Variants in NDST1 observed in about 807,000 individuals in gnomAD.
NDST1 encodes the protein bifunctional heparan sulfate N-deacetylase/N-sulfotransferase 1.
A neutral mutation model predicts 92.8 loss-of-function variants in NDST1; 35 were observed. The observed-to-expected ratio is 0.38, with a 90% CI of 0.29 to 0.50. The LOEUF (loss-of-function observed/expected upper bound fraction) is 0.50. Ranked by LOEUF, NDST1 falls within the 20% of genes least tolerant of loss-of-function variation. The pLI is 0.94. For synonymous variants in NDST1, 493 were observed against 500.3 expected, an observed-to-expected ratio of 0.99 and a Z score of 0.19; for missense variants, 822 against 1,182.7, an observed-to-expected ratio of 0.69 and a Z score of 4.47.
intron 14 of NDST1, among the ~76,000 whole-genome samples, chr5:150,552,325 A>G (rs1473305215): frequency 6.6e-6 from 1 of 152,132 alleles, no homozygotes; most frequent in Non-Finnish European, 1.5e-5. Context: ...GATGAGATCC[A>G]TTTTGTAGGA....
Position 150,542,909 on chromosome 5 carries a change from C to T in NDST1, c.1908C>T (p.Ser636=). The T allele has an allele frequency of 6.2e-7, 1 of 1,614,214 alleles. No homozygotes were observed. The highest frequency in any genetic ancestry group is 8.5e-7 in the Non-Finnish European group (1 of 1,180,022). The part of the protein sequence containing the change: ...MHPDLSSNYP[S]SETFEEIQFF... ...CTGACCTAAGCAGCAACTACCCCAG[C>T]TCTGAGACCTTTGAGGAGATCCAGT... The change falls in exon 10 of 15, where the codon AGC becomes AGT. Residue 636 remains serine (S), a synonymous_variant. Coordinates refer to ENST00000261797, the MANE Select transcript of NDST1 (RefSeq NM_001543.5).
At chr5:150,534,359 C>G (rs1447103278) in intron 4 of NDST1, among the ~76,000 whole-genome samples, 1 of 152,162 alleles carries the variant, frequency 6.6e-6, no homozygotes, top group Non-Finnish European at 1.5e-5. Context: ...CCACCTTGGC[C>G]TTCCAAAGTG....
At chr5:150,516,721 G>A (rs538723675) in intron 1 of NDST1, among the ~76,000 whole-genome samples, 18 of 152,012 alleles carry the variant, frequency 1.2e-4, no homozygotes, top group Middle Eastern at 6.8e-3. Flanking sequence ...GCTGGAGTAC[G>A]GTGATGTGAT....
chr5:150,533,371 G>A (rs968153814), intron 4 of NDST1, among the ~76,000 whole-genome samples: 2 of 152,204 alleles, frequency 1.3e-5, no homozygotes, highest in African/African-American at 4.8e-5. Context: ...GAAGCTGGTT[G>A]AGTTTTAAGA....
chr5:150,535,042 G>A (rs375448411), intron 5 of NDST1, 21 bp downstream of exon 5: 3 of 1,606,382 alleles, frequency 1.9e-6, no homozygotes, highest in Non-Finnish European at 2.6e-6. Context: ...TTCCTTGCAG[G>A]GCAGAGCGGG....
At position 150,553,695 on chromosome 5, in the gene NDST1, C is replaced by A; in HGVS notation, c.*363C>A. 3 of 414,556 alleles carry A rather than the reference C, an allele frequency of 7.2e-6. No individual in the cohort carries two copies. Among genetic ancestry groups the A allele is most frequent in the South Asian group, 6.4e-5 (3 of 47,146 alleles). 25.7% of individuals were successfully genotyped at this position (414,556 alleles called of 1,614,324 possible). On this transcript the variant is annotated 3_prime_UTR_variant, in exon 15 of 15. Transcript: ENST00000261797. The surrounding 1 kb of genome is among the most constrained non-coding windows in gnomAD (Gnocchi z 4.2). ...ATCACTCCCTGCTTCCGCAGGGCGC[C>A]CCTCAGTATTCGCTGCCATATGTCC...
intron 10 of NDST1, among the ~76,000 whole-genome samples, chr5:150,543,832 T>C (rs1259599118): frequency 2.0e-5 from 3 of 152,066 alleles, no homozygotes; most frequent in Non-Finnish European, 2.9e-5. Flanking sequence ...CAGGCTGCAG[T>C]GCAGTGGCGC....
chr5:150,526,876 G>T (rs1187682391), intron 2 of NDST1, among the ~76,000 whole-genome samples: 2 of 152,228 alleles, frequency 1.3e-5, no homozygotes, highest in African/African-American at 4.8e-5. Flanking sequence ...GGGGACTGGG[G>T]CACACTGTCT....
chr5:150,525,840 C>T (rs1235634016), intron 2 of NDST1, among the ~76,000 whole-genome samples: 2 of 152,210 alleles, frequency 1.3e-5, no homozygotes, highest in Non-Finnish European at 2.9e-5. Flanking sequence ...ATCTCCCCCT[C>T]CAAACTCATT....
rs1293201494 is a variant in NDST1 at position 150,540,011 on chromosome 5, G to A, written c.1567-71G>A. On this transcript the variant is annotated intron_variant, in intron 7 of 14. Transcript: ENST00000261797. ...TGCAAGCTAAGGCAGGGTCAGAAGGGTCAGAGTTGGCGGTGAGGGTGGCTC... is the reference window on the plus strand; with the variant it reads ...TGCAAGCTAAGGCAGGGTCAGAAGGATCAGAGTTGGCGGTGAGGGTGGCTC... The A allele has an allele frequency of 5.1e-6, 8 of 1,580,336 alleles. No homozygotes were observed. The African/African-American group carries it at 1.1e-4, about 21-fold the overall frequency.
chr5:150,515,019 C>T lies in NDST1; in HGVS notation c.-387-5849C>T, dbSNP rs1753894801. ...GAGGGCCTGTGCAGAGGTCAGTAAG[C>T]CCTGGTCCTGCCCCACAGATCTGCA... On this transcript the variant is annotated intron_variant, in intron 1 of 14. Coordinates refer to ENST00000261797, the MANE Select transcript of NDST1 (RefSeq NM_001543.5). Among the ~76,000 whole-genome samples the T allele has an allele frequency of 2.6e-5, 4 of 152,194 alleles. No individual in the cohort carries two copies. The South Asian group carries it at 8.3e-4, about 32-fold the overall frequency.
intron 7 of NDST1, 79 bp downstream of exon 7, chr5:150,539,435 G>A: frequency 6.2e-7 from 1 of 1,608,624 alleles, no homozygotes; most frequent in African/African-American, 1.3e-5. Context: ...AGGCTTCCTG[G>A]AGCCAGGAAA....
intron 5 of NDST1, among the ~76,000 whole-genome samples, 157 bp from the exon 6 acceptor site, chr5:150,535,543 C>T (rs1754944881): frequency 6.6e-6 from 1 of 152,156 alleles, no homozygotes; most frequent in African/African-American, 2.4e-5. Flanking sequence ...CATTCCTTGC[C>T]CTCCCAGGCC....
At chr5:150,544,117 A>G (rs1332288257) in intron 10 of NDST1, among the ~76,000 whole-genome samples, 2 of 152,300 alleles carry the variant, frequency 1.3e-5, no homozygotes, top group South Asian at 2.1e-4. Context: ...TCTCTTGTCT[A>G]AAATCTAGTG....
At chr5:150,522,247 T>G (rs958693162) in intron 2 of NDST1, among the ~76,000 whole-genome samples, 1 of 152,058 alleles carries the variant, frequency 6.6e-6, no homozygotes, top group Non-Finnish European at 1.5e-5. Context: ...TATCCCATGC[T>G]CTTCCCTCTT....
At chr5:150,527,504 G>T (rs1378672028) in intron 2 of NDST1, among the ~76,000 whole-genome samples, 1 of 152,188 alleles carries the variant, frequency 6.6e-6, no homozygotes, top group Non-Finnish European at 1.5e-5. Context: ...GCCTCTCTAG[G>T]CCTCCGTCTG....
chr5:150,503,698 A>G (rs544718845), upstream of NDST1, among the ~76,000 whole-genome samples: 90 of 152,272 alleles, frequency 5.9e-4, no homozygotes, highest in African/African-American at 2.1e-3. Flanking sequence ...TCCACCTTCC[A>G]GAGTGAGAGC....
intron 7 of NDST1, chr5:150,539,832 A>G: frequency 1.0e-6 from 1 of 972,088 alleles, no homozygotes; most frequent in Non-Finnish European, 1.2e-6. Context: ...TTTACAAAAT[A>G]AAACCCAAAT....
chr5:150,529,390 C>CAAAAAA (rs11418788), intron 3 of NDST1, among the ~76,000 whole-genome samples: 1 of 65,170 alleles, frequency 1.5e-5, no homozygotes, highest in African/African-American at 5.9e-5. Context: ...GACCCTGTCT[C>CAAAAAA]AAAAAAAAAA....
Sources: gnomAD v4.1 joint callset for allele counts (sites outside exome capture counted in the v4.1 genomes callset) on GRCh38, gnomAD v4.1.1 for gene constraint, Gnocchi (gnomAD v3.1) non-coding constraint, MANE v1.5 for transcripts, NCBI Gene and HGNC (gene_info 2026-07-23, HGNC 2026-07-21) for gene names.